Variants in ADAM22 observed in about 807,000 individuals in gnomAD.
ADAM22 encodes the protein ADAM metallopeptidase domain 22, also known as disintegrin and metalloproteinase domain-containing protein 22.
A neutral mutation model predicts 144.6 loss-of-function variants in ADAM22; 65 were observed. That is an observed-to-expected ratio of 0.45 (90% CI 0.37 to 0.55). ADAM22 has a LOEUF of 0.55. ADAM22 is among the 20% of genes least tolerant of loss of function. ADAM22 has a pLI of 0.00. For synonymous variants in ADAM22, 391 were observed against 412.6 expected (o/e 0.95, Z 0.63); for missense variants, 974 against 1,184.9 (o/e 0.82, Z 2.61).
In ADAM22 at chr7:88,178,990, A is replaced by G. The variant is rs376760681; in HGVS notation, c.2356A>G (p.Ser786Gly). 6.2e-7 allele frequency: 1 copy of G among 1,613,180 alleles called. No individual in the cohort carries two copies. Among genetic ancestry groups the G allele is most frequent in the Non-Finnish European group, 8.5e-7 (1 of 1,179,416 alleles). Residue 786 changes from serine (S) to glycine (G), a missense_variant, in exon 27 of 32, where the codon AGC becomes GGC. Around this residue, in one of 2 missense-constraint regions of ADAM22, gnomAD observed 734 missense variants for 950.6 expected, o/e 0.77. Coordinates refer to ENST00000413139, the MANE Select transcript of ADAM22 (RefSeq NM_001324418.2). ...KKPGDGDSFY[S>G]DIPPGVSTNS... Reference sequence around the variant, plus strand: ...GCCTGGAGATGGTGACTCTTTTTATAGCGACATTCCTCCCGGAGTCAGCAC... The same window carrying G: ...GCCTGGAGATGGTGACTCTTTTTATGGCGACATTCCTCCCGGAGTCAGCAC...
At chr7:87,947,623 T>C (rs2131346394) in intron 2 of ADAM22, among the ~76,000 whole-genome samples, 1 of 152,312 alleles carries the variant, frequency 6.6e-6, no homozygotes, top group South Asian at 2.1e-4. Context: ...TTATAGTTCT[T>C]AATAATCTTG....
chr7:88,105,095 C>T (rs911897492), intron 4 of ADAM22, among the ~76,000 whole-genome samples: 2 of 151,972 alleles, frequency 1.3e-5, no homozygotes, highest in Non-Finnish European at 2.9e-5. Flanking sequence ...TCCAGAGTTG[C>T]GTTTTTGAAG....
chr7:87,968,925 T>C (rs1320603277), intron 2 of ADAM22, among the ~76,000 whole-genome samples: 1 of 152,066 alleles, frequency 6.6e-6, no homozygotes, highest in Non-Finnish European at 1.5e-5. Context: ...ATGTCTTACA[T>C]GGTCAGAGCA....
At chr7:88,054,602 GT>G (rs1807664030) in intron 3 of ADAM22, among the ~76,000 whole-genome samples, 3 of 150,286 alleles carry the variant, frequency 2.0e-5, no homozygotes, top group Admixed American at 2.0e-4. Flanking sequence ...GTGTGTGTGT[GT>G]GTGTGTGTGT....
At chr7:87,990,985 T>A (rs1014496975) in intron 3 of ADAM22, among the ~76,000 whole-genome samples, 2 of 152,140 alleles carry the variant, frequency 1.3e-5, no homozygotes, top group African/African-American at 2.4e-5. Context: ...TTTAAAATAA[T>A]TGAATGTAGA....
intron 4 of ADAM22, among the ~76,000 whole-genome samples, chr7:88,090,919 A>G (rs1332414165): frequency 6.6e-6 from 1 of 152,176 alleles, no homozygotes; most frequent in Non-Finnish European, 1.5e-5. Context: ...TAAATAGTGA[A>G]TTGTGTCAGA....
rs144646632 is a variant in ADAM22 at position 88,196,771 on chromosome 7, T to C, written c.*280T>C. The C allele has an allele frequency of 8.6e-5, 38 of 441,462 alleles. No individual in the cohort carries two copies. The highest frequency in any genetic ancestry group is 7.0e-4 in the African/African-American group (36 of 51,242). 27.3% of individuals were successfully genotyped at this position (441,462 alleles called of 1,614,324 possible). ...GTTAATGGATAATCCGCATGACAGA[T>C]AATATGTAGAAATATTCATAAAGTT... On this transcript the variant is annotated 3_prime_UTR_variant, in exon 32 of 32. Coordinates refer to ENST00000413139, the MANE Select transcript of ADAM22 (RefSeq NM_001324418.2).
At chr7:88,054,690 T>C (rs1166276626) in intron 3 of ADAM22, among the ~76,000 whole-genome samples, 2 of 151,796 alleles carry the variant, frequency 1.3e-5, no homozygotes, top group African/African-American at 4.8e-5. Context: ...TGCTCATCAC[T>C]GTGAATTGTG....
intron 4 of ADAM22, among the ~76,000 whole-genome samples, chr7:88,102,250 T>C (rs1228484480): frequency 6.6e-6 from 1 of 152,178 alleles, no homozygotes; most frequent in East Asian, 1.9e-4. Flanking sequence ...CAAAATCATG[T>C]AGAGGAACTT....
intron 3 of ADAM22, among the ~76,000 whole-genome samples, chr7:88,010,087 A>G (rs934386107): frequency 1.3e-5 from 2 of 151,854 alleles, no homozygotes; most frequent in Non-Finnish European, 2.9e-5. Context: ...GTCTCTCTAT[A>G]GAACTTGTAA....
At chr7:88,187,771 C>T (rs1048647196) in intron 30 of ADAM22, among the ~76,000 whole-genome samples, 4 of 152,186 alleles carry the variant, frequency 2.6e-5, no homozygotes, top group Admixed American at 2.0e-4. Context: ...TGGACTCTCT[C>T]TTCCAGTGTA....
intron 4 of ADAM22, among the ~76,000 whole-genome samples, chr7:88,093,480 T>C (rs1418212285): frequency 6.6e-6 from 1 of 152,154 alleles, no homozygotes; most frequent in Non-Finnish European, 1.5e-5. Flanking sequence ...TGAAGGAGGA[T>C]AATTGATCAG....
At chr7:88,015,459 T>C (rs954370633) in intron 3 of ADAM22, among the ~76,000 whole-genome samples, 3 of 152,166 alleles carry the variant, frequency 2.0e-5, no homozygotes, top group Admixed American at 1.3e-4. Context: ...TTGGAATCAA[T>C]CATCACAGGC....
intron 4 of ADAM22, among the ~76,000 whole-genome samples, chr7:88,092,273 A>T (rs1820068327): frequency 6.6e-6 from 1 of 152,148 alleles, no homozygotes; most frequent in Non-Finnish European, 1.5e-5. Flanking sequence ...GAGCTTCAAA[A>T]TACCCATCCC....
chr7:88,029,687 TTGTC>T (rs1359451579), intron 3 of ADAM22, among the ~76,000 whole-genome samples: 2 of 152,170 alleles, frequency 1.3e-5, no homozygotes, highest in Non-Finnish European at 2.9e-5. Context: ...CAACTTTTGT[TTGTC>T]TGGGAATGTC....
At chr7:87,974,009 G>A (rs1023365329) in intron 2 of ADAM22, among the ~76,000 whole-genome samples, 9 of 151,236 alleles carry the variant, frequency 6.0e-5, no homozygotes, top group African/African-American at 2.2e-4. Context: ...AATGGGTGCA[G>A]CACACCAACA....
At chr7:88,075,298 A>G (rs1315429590) in intron 3 of ADAM22, among the ~76,000 whole-genome samples, 1 of 152,202 alleles carries the variant, frequency 6.6e-6, no homozygotes, top group Non-Finnish European at 1.5e-5. Flanking sequence ...AAAAAGTTAA[A>G]GTAAAAAATT....
At chr7:88,002,468 G>A (rs1056859346) in intron 3 of ADAM22, among the ~76,000 whole-genome samples, 1 of 152,158 alleles carries the variant, frequency 6.6e-6, no homozygotes, top group Non-Finnish European at 1.5e-5. Context: ...TGAGGGAGGG[G>A]TGATTTCCCC....
At chr7:87,983,511 A>G (rs1274424603) in intron 3 of ADAM22, among the ~76,000 whole-genome samples, 2 of 152,072 alleles carry the variant, frequency 1.3e-5, no homozygotes, top group African/African-American at 4.8e-5. Context: ...GTTGCACCTT[A>G]TTGAACTTTC....
Sources: gnomAD v4.1 joint callset for allele counts (sites outside exome capture counted in the v4.1 genomes callset) on GRCh38, gnomAD v4.1.1 for gene constraint, gnomAD v4.1.1 regional missense constraint, MANE v1.5 for transcripts, NCBI Gene and HGNC (gene_info 2026-07-23, HGNC 2026-07-21) for gene names.